PDE3B: variants seen among roughly 807,000 people sequenced by gnomAD.
PDE3B encodes cGMP-inhibited 3',5'-cyclic phosphodiesterase 3B.
PDE3B carries 66 observed loss-of-function variants against 116.8 expected under a neutral mutation model. That is an observed-to-expected ratio of 0.56 (90% CI 0.46 to 0.69). The LOEUF (loss-of-function observed/expected upper bound fraction) is 0.69. PDE3B is among the 30% of genes least tolerant of loss of function. PDE3B has a pLI of 0.00. For missense variants in PDE3B, 1,384 were observed against 1,368.1 expected (o/e 1.01, Z -0.18); for synonymous variants, 595 against 533.6 (o/e 1.12, Z -1.59).
At chr11:14,701,558 T>C (rs1855361595) in intron 1 of PDE3B, among the ~76,000 whole-genome samples, 1 of 151,692 alleles carries the variant, frequency 6.6e-6, no homozygotes, top group Non-Finnish European at 1.5e-5. Context: ...CCTAATTTTT[T>C]CCCCATTTCT....
chr11:14,787,206 C>T (rs1590144815), intron 3 of PDE3B, among the ~76,000 whole-genome samples: 1 of 151,984 alleles, frequency 6.6e-6, no homozygotes, highest in East Asian at 1.9e-4. Flanking sequence ...GGATTAATTT[C>T]TCTTTAAAAT....
chr11:14,676,309 T>C (rs751127893), intron 1 of PDE3B, among the ~76,000 whole-genome samples: 6 of 152,162 alleles, frequency 3.9e-5, no homozygotes, highest in Non-Finnish European at 8.8e-5. Context: ...TACACAAACC[T>C]AGATGTTACA....
At chr11:14,650,891 C>G (rs1219163420) in intron 1 of PDE3B, among the ~76,000 whole-genome samples, 1 of 151,854 alleles carries the variant, frequency 6.6e-6, no homozygotes, top group Non-Finnish European at 1.5e-5. Context: ...CCACCAGCAC[C>G]TTGGTTTAGC....
intron 9 of PDE3B, among the ~76,000 whole-genome samples, chr11:14,832,192 C>T (rs766004943): frequency 3.3e-5 from 5 of 152,078 alleles, no homozygotes; most frequent in Non-Finnish European, 7.4e-5. Context: ...TTTGATTTTA[C>T]CACCCAGACT....
chr11:14,887,779 A>G, the PDE3B span: 1 of 200,132 alleles, frequency 5.0e-6, no homozygotes. Context: ...CTGACTCATT[A>G]TCTTCTTCCA....
intron 2 of PDE3B, among the ~76,000 whole-genome samples, chr11:14,781,764 C>T (rs1858011177): frequency 1.3e-5 from 2 of 152,128 alleles, no homozygotes; most frequent in Non-Finnish European, 2.9e-5. Context: ...ACAGGGGTGC[C>T]TCTCTCTCAC....
the PDE3B span, chr11:14,878,318 CAAT>C: frequency 6.2e-7 from 1 of 1,611,132 alleles, no homozygotes; most frequent in South Asian, 1.1e-5. Context: ...AAAGCAGATA[CAAT>C]AATTTTTTAA....
intron 10 of PDE3B, among the ~76,000 whole-genome samples, chr11:14,833,535 C>T (rs967838117): frequency 6.6e-6 from 1 of 152,068 alleles, no homozygotes; most frequent in Admixed American, 6.5e-5. Context: ...TTCAGAAAAT[C>T]ATTCACTTAA....
At chr11:14,721,531 C>T (rs1002561415) in intron 1 of PDE3B, among the ~76,000 whole-genome samples, 17 of 151,544 alleles carry the variant, frequency 1.1e-4, no homozygotes, top group Non-Finnish European at 2.9e-5. Context: ...ACCCAAATGT[C>T]CAACAATGAT....
intron 6 of PDE3B, 45 bp from the exon 7 acceptor site, chr11:14,819,091 T>C (rs1356068025): frequency 2.5e-6 from 3 of 1,193,608 alleles, no homozygotes; most frequent in South Asian, 2.7e-5. Context: ...GGTAAAAAAC[T>C]TGTACCTCAT....
rs562446385 is a variant in PDE3B at position 14,682,821 on chromosome 11, A to G, written c.978+37768A>G. 2.4e-4 allele frequency among the ~76,000 whole-genome samples: 36 copies of G among 151,712 alleles called. 1 individual carries two copies. The South Asian group carries it at 4.6e-3, about 19-fold the overall frequency. On this transcript the variant is annotated intron_variant, in intron 1 of 15. Coordinates refer to ENST00000282096, the MANE Select transcript of PDE3B (RefSeq NM_000922.4). ...TAATACCTTTTTTGGTATTGGGGTA[A>G]TGGTGACTCTCAAAACGAATTGGGA...
chr11:14,844,446 A>G (rs1313452899), intron 12 of PDE3B, among the ~76,000 whole-genome samples: 4 of 152,214 alleles, frequency 2.6e-5, no homozygotes, highest in African/African-American at 9.6e-5. Context: ...CATCGGAGGT[A>G]CCAGGTTCAT....
intron 11 of PDE3B, 65 bp from the exon 12 acceptor site, chr11:14,843,762 C>T (rs1440358069): frequency 5.6e-6 from 7 of 1,246,868 alleles, no homozygotes; most frequent in Non-Finnish European, 7.1e-6. Flanking sequence ...GAATCCCCTC[C>T]ATAGCAAAAT....
intron 13 of PDE3B, among the ~76,000 whole-genome samples, chr11:14,860,314 T>C (rs1847924321): frequency 6.6e-6 from 1 of 151,956 alleles, no homozygotes. Flanking sequence ...GACTTCCTAT[T>C]AAGTTTCAAT....
intron 14 of PDE3B, among the ~76,000 whole-genome samples, chr11:14,862,378 A>T (rs1413291609): frequency 6.6e-6 from 1 of 152,152 alleles, no homozygotes; most frequent in Non-Finnish European, 1.5e-5. Flanking sequence ...TTCCAGATGA[A>T]GTGGTTTTTA....
intron 4 of PDE3B, among the ~76,000 whole-genome samples, chr11:14,801,772 T>C (rs775217056): frequency 5.3e-5 from 8 of 152,136 alleles, no homozygotes; most frequent in Non-Finnish European, 1.2e-4. Flanking sequence ...CCAGGGAGAT[T>C]GGGGTTTTAT....
chr11:14,657,627 A>G (rs541547729), intron 1 of PDE3B, among the ~76,000 whole-genome samples: 1 of 152,298 alleles, frequency 6.6e-6, no homozygotes, highest in African/African-American at 2.4e-5. Flanking sequence ...AATATGCACC[A>G]TCTACAAATA....
intron 4 of PDE3B, among the ~76,000 whole-genome samples, chr11:14,790,525 C>T (rs1261892406): frequency 6.6e-6 from 1 of 151,982 alleles, no homozygotes; most frequent in Non-Finnish European, 1.5e-5. Flanking sequence ...GTTAAAGAAA[C>T]ATTTGATACA....
At chr11:14,646,999 G>A (rs1288782111) in intron 1 of PDE3B, among the ~76,000 whole-genome samples, 1 of 151,902 alleles carries the variant, frequency 6.6e-6, no homozygotes. Flanking sequence ...ATTCTATTTT[G>A]ACATTACTAG....
Sources: allele counts gnomAD v4.1 joint callset (sites outside exome capture counted in the v4.1 genomes callset), GRCh38; gene constraint gnomAD v4.1.1; transcripts MANE v1.5; gene names NCBI Gene and HGNC (gene_info 2026-07-23, HGNC 2026-07-21).